IGSF23: variants seen among roughly 807,000 people sequenced by gnomAD.
The protein encoded by IGSF23 is immunoglobulin superfamily, member 23.
IGSF23 carries 14 observed loss-of-function variants against 17.8 expected under a neutral mutation model. The ratio of observed to expected loss-of-function variants is 0.79; its 90% CI spans 0.52 to 1.23. The LOEUF (loss-of-function observed/expected upper bound fraction) is 1.23. Ranked by LOEUF, IGSF23 falls within the 50% of genes most tolerant of loss-of-function variation. IGSF23 has a pLI of 0.00. For synonymous variants in IGSF23, 85 were observed against 92.5 expected, an observed-to-expected ratio of 0.92 and a Z score of 0.46; for missense variants, 214 against 241.7, an observed-to-expected ratio of 0.89 and a Z score of 0.76.
At chr19:44,618,227 C>A (rs1324515470) in intron 1 of IGSF23, 1 of 470,374 alleles carries the variant, frequency 2.1e-6, no homozygotes, top group Non-Finnish European at 4.4e-6. Flanking sequence ...GAGGGTATGA[C>A]GCCCAGCCAG....
In IGSF23 at chr19:44,613,723, G is replaced by C; in HGVS notation, c.78G>C (p.Pro26=). The C allele has an allele frequency of 1.9e-6, 3 of 1,550,528 alleles. No individual in the cohort carries two copies. The highest frequency in any genetic ancestry group is 2.6e-6 in the Non-Finnish European group (3 of 1,146,962). ...CCCCACCCACCACCACCACTGACCCGATGCTAGAGAAGGATGCGGCTGGAG... is the reference window on the plus strand; with the variant it reads ...CCCCACCCACCACCACCACTGACCCCATGCTAGAGAAGGATGCGGCTGGAG... ...AWSPPTTTTD[P]MLEKDAAGGD... is the part of the protein sequence containing the mutation. Residue 26 remains proline (P), a synonymous_variant, in exon 1 of 5, where the codon CCG becomes CCC. Transcript: ENST00000402988.
chr19:44,630,425 C>T (rs1432171850), intron 3 of IGSF23, among the ~76,000 whole-genome samples: 1 of 152,250 alleles, frequency 6.6e-6, no homozygotes, highest in East Asian at 1.9e-4. Flanking sequence ...AGCTCATTAA[C>T]TTGCCCAAGG....
Position 44,629,644 on chromosome 19 carries a change from T to TC in IGSF23, c.545+2071_545+2072insC, listed in dbSNP as rs1267803340. Reference sequence around the variant, plus strand: ...TATTATATGCTTTCTTTTTTTTTTTTTTTTTTTTGAGACGGGGTCTCACTC... The same window carrying TC: ...TATTATATGCTTTCTTTTTTTTTTTTCTTTTTTTTGAGACGGGGTCTCACTC... On this transcript the variant is annotated intron_variant, in intron 3 of 4. Coordinates refer to ENST00000402988, the MANE Select transcript of IGSF23 (RefSeq NM_001205280.2). 8.7e-3 allele frequency among the ~76,000 whole-genome samples: 1,287 copies of TC among 148,596 alleles called. 22 individuals carry two copies. Among genetic ancestry groups the TC allele is most frequent in the African/African-American group, 0.03 (1,210 of 40,540 alleles).
intron 2 of IGSF23, among the ~76,000 whole-genome samples, 162 bp downstream of exon 2, chr19:44,624,134 A>G (rs1273206727): frequency 6.6e-6 from 1 of 151,940 alleles, no homozygotes; most frequent in African/African-American, 2.4e-5. Context: ...CACCTGGCGG[A>G]CTGTGGATTA....
At chr19:44,628,131 G>A (rs1972697014) in intron 3 of IGSF23, among the ~76,000 whole-genome samples, 1 of 152,096 alleles carries the variant, frequency 6.6e-6, no homozygotes, top group African/African-American at 2.4e-5. Flanking sequence ...ATTTAGCAGA[G>A]ACAGGGTTTC....
chr19:44,633,854 C>G (rs1972824008), intron 3 of IGSF23, among the ~76,000 whole-genome samples: 1 of 152,180 alleles, frequency 6.6e-6, no homozygotes, highest in African/African-American at 2.4e-5. Flanking sequence ...TCCCCATTCC[C>G]ACATACGGCA....
rs1302172503 is a variant in IGSF23, at chr19:44,635,750, G to C, written c.*31+285G>C. Among the ~76,000 whole-genome samples, 5 of 152,078 alleles carry C rather than the reference G, an allele frequency of 3.3e-5. No individual in the cohort carries two copies. The East Asian group carries it at 9.6e-4, about 29-fold the overall frequency. The stretch of plus-strand genomic sequence containing the variant: ...AAAAGAAACTCACTGACGTAGCTCA[G>C]GAAAAAATAAAATGAACAGTTTAAT... On this transcript the variant is annotated intron_variant, in intron 4 of 4. Transcript: ENST00000402988.
At chr19:44,630,489 G>A (rs1448909568) in intron 3 of IGSF23, among the ~76,000 whole-genome samples, 1 of 152,242 alleles carries the variant, frequency 6.6e-6, no homozygotes, top group Non-Finnish European at 1.5e-5. Flanking sequence ...TAAGTCTACA[G>A]AGGGGAAAGG....
intron 3 of IGSF23, 96 bp downstream of exon 3, chr19:44,627,669 C>T: frequency 7.3e-7 from 1 of 1,362,866 alleles, no homozygotes; most frequent in Non-Finnish European, 9.9e-7. Flanking sequence ...ATGAAACCAA[C>T]ACCCCCATCA....
chr19:44,628,204 A>C (rs914165644), intron 3 of IGSF23, among the ~76,000 whole-genome samples: 1 of 152,066 alleles, frequency 6.6e-6, no homozygotes, highest in Admixed American at 6.5e-5. Flanking sequence ...CAGCTTCCCA[A>C]AGTTTTGGGA....
Position 44,623,809 on chromosome 19 carries a change from C to T in IGSF23, c.228C>T (p.Asp76=), listed in dbSNP as rs1262182882. 1.9e-6 allele frequency: 3 copies of T among 1,550,814 alleles called. No homozygotes were observed. The highest frequency in any genetic ancestry group is 1.7e-6 in the Non-Finnish European group (2 of 1,147,076). ...TCCTGCAGTGGGTGGTGACAATGGACCCTGAGCCTGTGCTGAGCTGGACCT... is the reference window on the plus strand; with the variant it reads ...TCCTGCAGTGGGTGGTGACAATGGATCCTGAGCCTGTGCTGAGCTGGACCT... The part of the protein sequence containing the change: ...SVILQWVVTM[D]PEPVLSWTFS... Residue 76 remains aspartate, a synonymous_variant, in exon 2 of 5, where the codon GAC becomes GAT. Coordinates refer to ENST00000402988, the MANE Select transcript of IGSF23 (RefSeq NM_001205280.2).
At position 44,622,366 on chromosome 19, in the gene IGSF23, A is replaced by G. The variant is rs1211506130; in HGVS notation, c.126-1341A>G. Among the ~76,000 whole-genome samples, 3 of 152,160 alleles carry G rather than the reference A, an allele frequency of 2.0e-5. No individual in the cohort carries two copies. The East Asian group carries it at 5.8e-4, about 29-fold the overall frequency. Reference sequence around the variant, plus strand: ...GGTTGTGCTAAAGTTCTTTTCACTTATAACATTGCATTGAAATCAGAAATC... The same window carrying G: ...GGTTGTGCTAAAGTTCTTTTCACTTGTAACATTGCATTGAAATCAGAAATC... On this transcript the variant is annotated intron_variant, in intron 1 of 4. Coordinates refer to ENST00000402988, the MANE Select transcript of IGSF23 (RefSeq NM_001205280.2).
intron 3 of IGSF23, 136 bp downstream of exon 3, chr19:44,627,709 C>A: frequency 1.0e-6 from 1 of 976,588 alleles, no homozygotes; most frequent in Non-Finnish European, 1.5e-6. Flanking sequence ...CTGAGGAGCC[C>A]ATCTGACTCA....
At chr19:44,635,146 C>T (rs918029171) in intron 3 of IGSF23, among the ~76,000 whole-genome samples, 2 of 152,188 alleles carry the variant, frequency 1.3e-5, no homozygotes, top group Non-Finnish European at 2.9e-5. Flanking sequence ...TGTGTCCTCA[C>T]GTGACCTTTT....
In IGSF23 at chr19:44,627,465, C is replaced by G; in HGVS notation, c.437C>G (p.Pro146Arg). Residue 146 changes from proline (P) to arginine (R), a missense_variant, in exon 3 of 5, where the codon CCC becomes CGC. By Grantham distance (103) the Pro-to-Arg change is moderately radical. Transcript: ENST00000402988. ...GAAGCAGAGCCCATGGAGCCAGACC[C>G]CACTCTGTCCCTGTCAGGAGGCTCT... The part of the protein sequence containing the change: ...PTEAEPMEPD[P>R]TLSLSGGSAI... The G allele has an allele frequency of 6.5e-7, 1 of 1,550,386 alleles. No homozygotes were observed. Among genetic ancestry groups the G allele is most frequent in the Non-Finnish European group, 8.7e-7 (1 of 1,146,870 alleles).
At chr19:44,622,229 C>T (rs1485562653) in intron 1 of IGSF23, among the ~76,000 whole-genome samples, 2 of 151,922 alleles carry the variant, frequency 1.3e-5, no homozygotes, top group Non-Finnish European at 2.9e-5. Flanking sequence ...AAAAAAGAGC[C>T]CAATCCAGGT....
intron 1 of IGSF23, among the ~76,000 whole-genome samples, chr19:44,618,415 G>A (rs80122548): frequency 0.012 from 1,893 of 152,278 alleles, 16 homozygotes; most frequent in Non-Finnish European, 0.02. Context: ...TCCATGTCAA[G>A]AGTGAGTGGG....
chr19:44,627,190 C>G (rs846860), intron 2 of IGSF23, among the ~76,000 whole-genome samples: 2,116 of 152,226 alleles, frequency 0.014, 42 homozygotes, highest in African/African-American at 0.049. Flanking sequence ...AGGGGAGGAA[C>G]AGGGTCAGGT....
intron 1 of IGSF23, chr19:44,617,942 G>A: frequency 2.7e-6 from 1 of 364,986 alleles, no homozygotes; most frequent in South Asian, 2.0e-5. Flanking sequence ...AGAGAAGTCA[G>A]CCTTTCAGGC....
Sources: allele counts gnomAD v4.1 joint callset (sites outside exome capture counted in the v4.1 genomes callset), GRCh38; gene constraint gnomAD v4.1.1; transcripts MANE v1.5; gene names NCBI Gene and HGNC (gene_info 2026-07-23, HGNC 2026-07-21).